The following GSDME variants were observed in gnomAD, a reference collection of about 807,000 sequenced individuals.
GSDME encodes the protein gasdermin E.
In GSDME, 44 loss-of-function variants were observed where a neutral mutation model predicts 47.5. The ratio of observed to expected loss-of-function variants is 0.93; its 90% CI spans 0.73 to 1.19. GSDME has a LOEUF of 1.19. Among genes scored for constraint, GSDME ranks in the 50% most tolerant of loss-of-function variants. GSDME has a pLI of 0.00. For missense variants in GSDME, 663 were observed against 604.2 expected (o/e 1.10, Z -1.02); for synonymous variants, 258 against 252.8 (o/e 1.02, Z -0.20).
the GSDME span, among the ~76,000 whole-genome samples, chr7:24,787,481 G>A: frequency 1.3e-5 from 2 of 152,170 alleles, no homozygotes; most frequent in Non-Finnish European, 2.9e-5. The surrounding 1 kb of genome is among the most constrained non-coding windows in gnomAD (Gnocchi z 5.0). Context: ...CCGGGACTTG[G>A]TGGTAGTGGT....
chr7:24,717,616 G>C (rs1789619390), intron 4 of GSDME, among the ~76,000 whole-genome samples: 1 of 152,122 alleles, frequency 6.6e-6, no homozygotes. Context: ...ATAGAGCGTG[G>C]GATACAGTGA....
intron 9 of GSDME, among the ~76,000 whole-genome samples, chr7:24,700,226 G>T (rs78161767): frequency 1.3e-5 from 2 of 152,056 alleles, no homozygotes; most frequent in Non-Finnish European, 2.9e-5. Flanking sequence ...CTTGTCTGCC[G>T]TGCCTACAAC....
rs189899764 is a variant in GSDME, at chr7:24,716,233, C to T, written c.697+1021G>A. 1.5e-4 allele frequency among the ~76,000 whole-genome samples: 23 copies of T among 152,292 alleles called. No homozygotes were observed. The highest frequency in any genetic ancestry group is 2.6e-4 in the Admixed American group (4 of 15,300). On this transcript the variant is annotated intron_variant, in intron 5 of 9. Transcript: ENST00000645220. This position sits in a 1 kb window ranked among gnomAD's most constrained non-coding sequence, Gnocchi z 4.5. ...AATAGAGAGGAGGAGCGTGAACCAG[C>T]GTGTGCCCATCAGCCAGCTTCAGCC...
At chr7:24,768,390 C>A in the GSDME span, among the ~76,000 whole-genome samples, 1 of 152,164 alleles carries the variant, frequency 6.6e-6, no homozygotes, top group Non-Finnish European at 1.5e-5. This position sits in a 1 kb window ranked among gnomAD's most constrained non-coding sequence, Gnocchi z 5.6. Flanking sequence ...GGGAAGGGAA[C>A]TGAGATTGTA....
chr7:24,717,434 C>G, intron 4 of GSDME, 60 bp from the exon 5 acceptor site: 1 of 1,612,624 alleles, frequency 6.2e-7, no homozygotes, highest in Non-Finnish European at 8.5e-7. Context: ...TGCTCTGTTC[C>G]CCACTGCAGC....
chr7:24,748,759 A>G (rs182595185), intron 2 of GSDME, among the ~76,000 whole-genome samples: 1 of 152,052 alleles, frequency 6.6e-6, no homozygotes, highest in Non-Finnish European at 1.5e-5. Context: ...CTCAAACCAC[A>G]TAAGCCCATC....
Position 24,748,242 on chromosome 7 carries a change from T to C in GSDME, c.211+1322A>G, listed in dbSNP as rs138492713. ...TGGTGCAATCTTGGCTCACTGCAACTTCTGCTGCCTGGGTTCAAGCGATTC... is the reference window on the plus strand; with the variant it reads ...TGGTGCAATCTTGGCTCACTGCAACCTCTGCTGCCTGGGTTCAAGCGATTC... On this transcript the variant is annotated intron_variant, in intron 2 of 9. Transcript: ENST00000645220. Among the ~76,000 whole-genome samples, 990 of 150,572 alleles carry C rather than the reference T, an allele frequency of 6.6e-3. 10 individuals carry two copies. The highest frequency in any genetic ancestry group is 0.023 in the African/African-American group (946 of 40,938).
intron 4 of GSDME, among the ~76,000 whole-genome samples, chr7:24,717,870 A>G (rs960996268): frequency 6.6e-5 from 10 of 152,168 alleles, no homozygotes; most frequent in Admixed American, 5.9e-4. Flanking sequence ...GGCCGGAGGG[A>G]GGAGAGGCAG....
intron 3 of GSDME, among the ~76,000 whole-genome samples, chr7:24,723,485 T>C (rs1789864902): frequency 6.6e-6 from 1 of 152,244 alleles, no homozygotes; most frequent in Non-Finnish European, 1.5e-5. Context: ...TCAATGCAAT[T>C]TGTTTACTGT....
chr7:24,699,963 C>T (rs1366460978), intron 9 of GSDME, among the ~76,000 whole-genome samples: 1 of 152,166 alleles, frequency 6.6e-6, no homozygotes, highest in Non-Finnish European at 1.5e-5. Flanking sequence ...GCCTCAAGAA[C>T]CTTTTCCCTT....
Position 24,744,785 on chromosome 7 carries a change from G to A in GSDME, c.212-31C>T, listed in dbSNP as rs1333863621. The A allele has an allele frequency of 2.5e-6, 4 of 1,607,716 alleles. No individual in the cohort carries two copies. The highest frequency in any genetic ancestry group is 3.4e-6 in the Non-Finnish European group (4 of 1,178,722). ...ATGGAGGAGACGAGCAGAGGAAGCC[G>A]ATGATGATAAGGCCACCAAGATGTC... On this transcript the variant is annotated intron_variant, in intron 2 of 9. Coordinates refer to ENST00000645220, the MANE Select transcript of GSDME (RefSeq NM_001127453.2). The surrounding 1 kb of genome is among the most constrained non-coding windows in gnomAD (Gnocchi z 4.5).
the GSDME span, among the ~76,000 whole-genome samples, chr7:24,795,477 T>C: frequency 1.3e-5 from 2 of 152,060 alleles, no homozygotes; most frequent in Non-Finnish European, 2.9e-5. Context: ...TCCTGTCCCT[T>C]TACAACTAAG....
upstream of GSDME, among the ~76,000 whole-genome samples, chr7:24,762,347 GTTA>G (rs1254772532): frequency 2.0e-5 from 3 of 151,890 alleles, no homozygotes; most frequent in South Asian, 2.1e-4. Flanking sequence ...AGAAACATAC[GTTA>G]TTATCAGCAT....
chr7:24,794,483 C>A, the GSDME span, among the ~76,000 whole-genome samples: 3 of 152,132 alleles, frequency 2.0e-5, no homozygotes, highest in African/African-American at 7.2e-5. Context: ...TTCTTAACCA[C>A]CGTGGGGGGT....
At chr7:24,707,534 CCCA>C (rs1789163746) in intron 7 of GSDME, 2 of 414,324 alleles carry the variant, frequency 4.8e-6, no homozygotes, top group South Asian at 3.6e-5. Flanking sequence ...TGAGTAGTGG[CCCA>C]CCAACATATG....
intron 6 of GSDME, among the ~76,000 whole-genome samples, chr7:24,709,765 C>G (rs1789273309): frequency 6.6e-6 from 1 of 152,186 alleles, no homozygotes; most frequent in African/African-American, 2.4e-5. Context: ...CAGTCCATGC[C>G]ATGTGGATAA....
chr7:24,744,801 C>CCAAGATGTCTT lies in GSDME; in HGVS notation c.212-58_212-48dup, dbSNP rs1790600059. ...GAGGAAGCCGATGATGATAAGGCCA[C>CCAAGATGTCTT]CAAGATGTCTTGGGTCATTTAGCTT... On this transcript the variant is annotated intron_variant, in intron 2 of 9. Coordinates refer to ENST00000645220, the MANE Select transcript of GSDME (RefSeq NM_001127453.2). The surrounding 1 kb of genome is among the most constrained non-coding windows in gnomAD (Gnocchi z 4.5). The CCAAGATGTCTT allele has an allele frequency of 2.5e-6, 4 of 1,601,438 alleles. No individual in the cohort carries two copies. In the African/African-American group the frequency reaches 5.4e-5, roughly 21 times the overall value.
At position 24,750,803 on chromosome 7, in the gene GSDME, C is replaced by T. The variant is rs527522153; in HGVS notation, c.-19-1010G>A. 3.7e-4 allele frequency among the ~76,000 whole-genome samples: 57 copies of T among 152,182 alleles called. No homozygotes were observed. The Middle Eastern group carries it at 0.01, about 27-fold the overall frequency. On this transcript the variant is annotated intron_variant, in intron 1 of 9. Coordinates refer to ENST00000645220, the MANE Select transcript of GSDME (RefSeq NM_001127453.2). ...CCCAGAAAATAAAGGCACAGTCATA[C>T]TTTAGCAGGAGGAGAAAAGAAGAGA... is the stretch of plus-strand genomic sequence containing the variant.
chr7:24,771,092 G>A, the GSDME span, among the ~76,000 whole-genome samples: 1 of 152,004 alleles, frequency 6.6e-6, no homozygotes, highest in Non-Finnish European at 1.5e-5. The surrounding 1 kb of genome is among the most constrained non-coding windows in gnomAD (Gnocchi z 4.1). Context: ...ACTAAAGCTA[G>A]GCGTATCGTA....
Sources: gnomAD v4.1 joint callset for allele counts (sites outside exome capture counted in the v4.1 genomes callset) on GRCh38, gnomAD v4.1.1 for gene constraint, Gnocchi (gnomAD v3.1) non-coding constraint, MANE v1.5 for transcripts, NCBI Gene and HGNC (gene_info 2026-07-23, HGNC 2026-07-21) for gene names.